GPM6A: variants seen among roughly 807,000 people sequenced by gnomAD.
The protein encoded by GPM6A is neuronal membrane glycoprotein M6-a.
A neutral mutation model predicts 32.1 loss-of-function variants in GPM6A; 7 were observed. The observed-to-expected ratio is 0.22, with a 90% CI of 0.12 to 0.41. The LOEUF (loss-of-function observed/expected upper bound fraction) is 0.41. GPM6A is among the 10% of genes least tolerant of loss of function. The probability of loss-of-function intolerance (pLI) is 1.00; values close to 1 mark genes in which losing one functional copy is unlikely to be tolerated. For synonymous variants in GPM6A, 130 were observed against 123.4 expected (o/e 1.05, Z -0.35); for missense variants, 235 against 347.2 (o/e 0.68, Z 2.57).
chr4:175,762,060 C>T (rs1237461957), intron 1 of GPM6A, among the ~76,000 whole-genome samples: 1 of 152,172 alleles, frequency 6.6e-6, no homozygotes, highest in East Asian at 1.9e-4. Flanking sequence ...TCCCAAAGTG[C>T]TGGGATTATA....
intron 1 of GPM6A, among the ~76,000 whole-genome samples, chr4:175,742,593 T>G (rs1208898914): frequency 6.6e-6 from 1 of 152,172 alleles, no homozygotes; most frequent in Non-Finnish European, 1.5e-5. Flanking sequence ...TTTAGAGTCA[T>G]GTACATTTAA....
In GPM6A at chr4:175,643,796, G is replaced by T. The variant is rs542444277; in HGVS notation, c.542-2967C>A. ...TCTGAACTCAGGAGTTGCAGAAGCG[G>T]GCTCAAGCCTGCACACTAAGAGGCA... On this transcript the variant is annotated intron_variant, in intron 4 of 6. Transcript: ENST00000393658. Among the ~76,000 whole-genome samples the T allele has an allele frequency of 1.2e-4, 18 of 152,242 alleles. No individual in the cohort carries two copies. The South Asian group carries it at 3.7e-3, about 32-fold the overall frequency.
intron 1 of GPM6A, among the ~76,000 whole-genome samples, chr4:175,955,177 C>G (rs1397165410): frequency 6.6e-6 from 1 of 152,236 alleles, no homozygotes; most frequent in Non-Finnish European, 1.5e-5. Flanking sequence ...CAAGCCAGTG[C>G]TGGAGATGAG....
intron 1 of GPM6A, among the ~76,000 whole-genome samples, chr4:175,878,546 C>A (rs1410880138): frequency 1.3e-5 from 2 of 152,152 alleles, no homozygotes; most frequent in African/African-American, 2.4e-5. Context: ...TGAGTGGTAT[C>A]TTGGCCTCTT....
chr4:175,665,110 T>A (rs1330598556), intron 3 of GPM6A, among the ~76,000 whole-genome samples: 2 of 152,164 alleles, frequency 1.3e-5, no homozygotes, highest in African/African-American at 4.8e-5. Context: ...GATGAACACA[T>A]TAGGGGGTGC....
At chr4:175,850,221 AAGAGAGGGAAC>A (rs1736210943) in intron 1 of GPM6A, among the ~76,000 whole-genome samples, 2 of 152,190 alleles carry the variant, frequency 1.3e-5, no homozygotes, top group African/African-American at 4.8e-5. Flanking sequence ...CTAAGCTATA[AAGAGAGGGAAC>A]AGAGACATGC....
chr4:175,659,524 A>T (rs529575273), intron 3 of GPM6A, among the ~76,000 whole-genome samples: 1 of 152,358 alleles, frequency 6.6e-6, no homozygotes, highest in East Asian at 1.9e-4. Flanking sequence ...GAGAAAAATA[A>T]CATAACCAAA....
intron 1 of GPM6A, among the ~76,000 whole-genome samples, chr4:175,852,651 A>G (rs1030294445): frequency 5.3e-5 from 8 of 152,176 alleles, no homozygotes; most frequent in African/African-American, 1.2e-4. Context: ...ATTTTTAAAA[A>G]CAAAAGGAAT....
chr4:175,851,947 G>C (rs1170717836), intron 1 of GPM6A, among the ~76,000 whole-genome samples: 6 of 152,134 alleles, frequency 3.9e-5, no homozygotes, highest in Non-Finnish European at 7.3e-5. Flanking sequence ...CACACACTGG[G>C]TGAAGCAATA....
chr4:175,833,047 C>G (rs1735662560), intron 1 of GPM6A, among the ~76,000 whole-genome samples: 1 of 152,154 alleles, frequency 6.6e-6, no homozygotes, highest in South Asian at 2.1e-4. Context: ...AGAAGCATTT[C>G]CATCGAGGGA....
intron 1 of GPM6A, among the ~76,000 whole-genome samples, chr4:175,972,148 C>G (rs1201068590): frequency 6.6e-6 from 1 of 151,994 alleles, no homozygotes; most frequent in Non-Finnish European, 1.5e-5. Flanking sequence ...TCAAAGAACC[C>G]CCGTGTAGCT....
At chr4:175,809,826 C>A (rs1734846730) in intron 1 of GPM6A, among the ~76,000 whole-genome samples, 1 of 152,066 alleles carries the variant, frequency 6.6e-6, no homozygotes, top group South Asian at 2.1e-4. Context: ...TCGAACATAG[C>A]AAATTGCAAT....
intron 1 of GPM6A, among the ~76,000 whole-genome samples, chr4:175,716,636 A>T (rs1276714502): frequency 6.6e-6 from 1 of 152,194 alleles, no homozygotes. Flanking sequence ...CAAAATAAAA[A>T]CACAAACACA....
chr4:175,968,598 C>A (rs1307660320), intron 1 of GPM6A, among the ~76,000 whole-genome samples: 1 of 151,976 alleles, frequency 6.6e-6, no homozygotes, highest in Non-Finnish European at 1.5e-5. Flanking sequence ...ACAGATAACC[C>A]AATTAAAAAA....
At chr4:175,899,240 A>C (rs1737882259) in intron 1 of GPM6A, among the ~76,000 whole-genome samples, 1 of 152,218 alleles carries the variant, frequency 6.6e-6, no homozygotes, top group Non-Finnish European at 1.5e-5. Flanking sequence ...AGTCCCATTA[A>C]GGCAGAGATA....
intron 1 of GPM6A, among the ~76,000 whole-genome samples, chr4:175,866,743 TG>T (rs1245934831): frequency 6.6e-6 from 1 of 152,214 alleles, no homozygotes; most frequent in African/African-American, 2.4e-5. Context: ...TGCATGATTT[TG>T]TGTAGACATG....
At chr4:175,812,339 T>G, upstream of GPM6A, 3 of 1,304,912 alleles carry the variant, frequency 2.3e-6, no homozygotes, top group Non-Finnish European at 3.0e-6. Flanking sequence ...TTTTTTTTTT[T>G]TCCTGGGAAG....
intron 1 of GPM6A, among the ~76,000 whole-genome samples, chr4:175,920,653 G>C (rs975508637): frequency 6.6e-6 from 1 of 152,052 alleles, no homozygotes; most frequent in Non-Finnish European, 1.5e-5. Context: ...TTCGAGACTA[G>C]CCTGGGCAAC....
At chr4:175,658,288 T>C (rs1742198922) in intron 3 of GPM6A, among the ~76,000 whole-genome samples, 1 of 149,218 alleles carries the variant, frequency 6.7e-6, no homozygotes, top group African/African-American at 2.5e-5. Flanking sequence ...AAATTTTAAA[T>C]GCATATGACT....
Sources: gnomAD v4.1 joint callset for allele counts (sites outside exome capture counted in the v4.1 genomes callset) on GRCh38, gnomAD v4.1.1 for gene constraint, MANE v1.5 for transcripts, NCBI Gene and HGNC (gene_info 2026-07-23, HGNC 2026-07-21) for gene names.